The following FRMD4B variants were observed in gnomAD, a reference collection of about 807,000 sequenced individuals.
The protein encoded by FRMD4B is FERM domain-containing protein 4B.
Under a neutral mutation model 141.5 loss-of-function variants are expected in FRMD4B, and 74 were observed. The observed-to-expected ratio is 0.52, with a 90% CI of 0.43 to 0.63. The LOEUF is 0.63. FRMD4B is among the 30% of genes least tolerant of loss of function. The probability of loss-of-function intolerance (pLI) is 0.00; values close to 1 mark genes in which losing one functional copy is unlikely to be tolerated. For missense variants in FRMD4B, 1,366 were observed against 1,253.4 expected (o/e 1.09, Z -1.36); for synonymous variants, 506 against 467.9 (o/e 1.08, Z -1.05).
intron 1 of FRMD4B, among the ~76,000 whole-genome samples, chr3:69,349,627 T>C (rs1403292526): frequency 2.0e-5 from 3 of 151,930 alleles, no homozygotes; most frequent in African/African-American, 7.3e-5. Flanking sequence ...AAAACAGAGA[T>C]ATAGACCAAT....
chr3:69,522,738 C>T (rs1700871045), intron 1 of FRMD4B, among the ~76,000 whole-genome samples: 1 of 152,156 alleles, frequency 6.6e-6, no homozygotes, highest in Admixed American at 6.5e-5. Context: ...TCCTGACCTT[C>T]TGCACCCCCA....
At chr3:69,408,395 G>A (rs1275500951) in intron 2 of FRMD4B, among the ~76,000 whole-genome samples, 1 of 152,160 alleles carries the variant, frequency 6.6e-6, no homozygotes, top group African/African-American at 2.4e-5. Context: ...TGCCCCCAAA[G>A]GCATCATCTT....
intron 1 of FRMD4B, among the ~76,000 whole-genome samples, chr3:69,343,585 T>TG (rs1559818243): frequency 6.7e-6 from 1 of 148,616 alleles, no homozygotes; most frequent in Non-Finnish European, 1.5e-5. Context: ...TTGTTTTTTT[T>TG]TTTTTTTTTT....
chr3:69,469,932 T>C (rs1433224230), intron 1 of FRMD4B, among the ~76,000 whole-genome samples: 1 of 152,170 alleles, frequency 6.6e-6, no homozygotes, highest in African/African-American at 2.4e-5. Flanking sequence ...AATTGCTGTG[T>C]TGCAGCGAAT....
intron 1 of FRMD4B, among the ~76,000 whole-genome samples, chr3:69,507,673 A>G (rs1303153733): frequency 2.6e-5 from 4 of 152,100 alleles, no homozygotes; most frequent in Non-Finnish European, 5.9e-5. Context: ...CTTGTATCAG[A>G]TTTTGATTTT....
intron 2 of FRMD4B, among the ~76,000 whole-genome samples, chr3:69,414,060 C>T (rs4855312): frequency 0.32 from 49,013 of 151,892 alleles, 8,044 homozygotes; most frequent in African/African-American, 0.35. Context: ...ATGGCATGTT[C>T]CTCAAAACAC....
intron 11 of FRMD4B, among the ~76,000 whole-genome samples, chr3:69,208,900 C>T (rs559806552): frequency 1.3e-5 from 2 of 152,172 alleles, no homozygotes; most frequent in South Asian, 4.1e-4. Context: ...AATCCCAGCA[C>T]TTTGGGAGGC....
intron 1 of FRMD4B, among the ~76,000 whole-genome samples, chr3:69,534,958 C>A (rs548311582): frequency 1.1e-4 from 16 of 145,006 alleles, no homozygotes; most frequent in African/African-American, 4.1e-4. Context: ...TTTTTCCTAG[C>A]CTCCACAAAG....
rs1038737610 is a variant in FRMD4B, at chr3:69,538,555, TA to T, written c.-129+3650del. Among the ~76,000 whole-genome samples, 30 of 152,060 alleles carry T rather than the reference TA, an allele frequency of 2.0e-4. No homozygotes were observed. The East Asian group carries it at 5.0e-3, about 25-fold the overall frequency. The stretch of plus-strand genomic sequence containing the variant: ...CTGACACTTGCTGTCTTGTTATACC[TA>T]AAAAAAATTACTGGTAGTAACCCAC... On this transcript the variant is annotated intron_variant, in intron 1 of 5. Transcript: ENST00000459638.
At chr3:69,382,106 C>G (rs1704133092) in intron 1 of FRMD4B, among the ~76,000 whole-genome samples, 1 of 152,188 alleles carries the variant, frequency 6.6e-6, no homozygotes, top group Admixed American at 6.5e-5. Context: ...GTGGTGTGAT[C>G]ATGGCTTACT....
At chr3:69,416,120 A>G (rs1019140216) in intron 2 of FRMD4B, among the ~76,000 whole-genome samples, 1 of 152,208 alleles carries the variant, frequency 6.6e-6, no homozygotes, top group African/African-American at 2.4e-5. Flanking sequence ...GCCTGCCCTT[A>G]ATAACAGGTA....
intron 1 of FRMD4B, among the ~76,000 whole-genome samples, chr3:69,363,459 A>G (rs6775387): frequency 0.37 from 53,940 of 147,326 alleles, 11,696 homozygotes; most frequent in African/African-American, 0.62. Flanking sequence ...GCACAATCTC[A>G]GCTCACTGCA....
intron 1 of FRMD4B, among the ~76,000 whole-genome samples, chr3:69,316,544 A>AGAG (rs1205008318): frequency 6.6e-6 from 1 of 152,008 alleles, no homozygotes; most frequent in Non-Finnish European, 1.5e-5. Flanking sequence ...TTTCTATACC[A>AGAG]GAGGAGGAAA....
chr3:69,293,282 T>G (rs931631863), intron 4 of FRMD4B, among the ~76,000 whole-genome samples: 2 of 152,012 alleles, frequency 1.3e-5, no homozygotes, highest in Admixed American at 1.3e-4. Context: ...TTATTTCTAG[T>G]GGTCACAAGT....
intron 7 of FRMD4B, among the ~76,000 whole-genome samples, chr3:69,231,514 G>A (rs868508211): frequency 3.9e-5 from 6 of 152,172 alleles, no homozygotes; most frequent in South Asian, 2.1e-4. Context: ...TCTCGAACTC[G>A]TGACCTCAGG....
In FRMD4B at chr3:69,180,973, G is replaced by T; in HGVS notation, c.2777C>A (p.Ser926Ter). ...PQTSFDSDRG[S>*]QRCLGFAGLQ... The stretch of plus-strand genomic sequence containing the variant: ...CCCCGCAAACCCCAGGCATCTCTGT[G>T]ATCCCCTGTCTGAGTCAAAGCTGGT... The change falls in exon 21 of 23, where the codon TCA becomes TAA. Residue 926 changes from serine (S) to a stop codon, truncating the protein, a stop_gained. Transcript: ENST00000398540. LOFTEE classifies it high-confidence loss of function. The T allele has an allele frequency of 1.2e-6, 2 of 1,613,990 alleles. No homozygotes were observed. Among genetic ancestry groups the T allele is most frequent in the Non-Finnish European group, 1.7e-6 (2 of 1,179,864 alleles).
At chr3:69,409,693 G>C (rs1436646180) in intron 2 of FRMD4B, among the ~76,000 whole-genome samples, 1 of 152,162 alleles carries the variant, frequency 6.6e-6, no homozygotes, top group Non-Finnish European at 1.5e-5. Flanking sequence ...GTCCAACAGA[G>C]GGAATCTCAG....
intron 1 of FRMD4B, among the ~76,000 whole-genome samples, chr3:69,365,085 G>A (rs180714398): frequency 6.6e-6 from 1 of 152,294 alleles, no homozygotes; most frequent in African/African-American, 2.4e-5. Flanking sequence ...TAACAGAGAG[G>A]CTGTGTGAAC....
At chr3:69,212,013 G>A (rs1464510287) in intron 11 of FRMD4B, among the ~76,000 whole-genome samples, 1 of 133,968 alleles carries the variant, frequency 7.5e-6, no homozygotes, top group Non-Finnish European at 1.6e-5. Flanking sequence ...ATAAACAATG[G>A]CACAGAGTAG....
Sources: gnomAD v4.1 joint callset for allele counts (sites outside exome capture counted in the v4.1 genomes callset) on GRCh38, gnomAD v4.1.1 for gene constraint, MANE v1.5 for transcripts, NCBI Gene and HGNC (gene_info 2026-07-23, HGNC 2026-07-21) for gene names.